The following ADD3 variants were observed in gnomAD, a reference collection of about 807,000 sequenced individuals.
ADD3 encodes the protein gamma-adducin.
Under a neutral mutation model 80.2 loss-of-function variants are expected in ADD3, and 25 were observed. That is an observed-to-expected ratio of 0.31 (90% confidence interval 0.23 to 0.44). ADD3 has a LOEUF of 0.44. Ranked by LOEUF, ADD3 falls within the 20% of genes least tolerant of loss-of-function variation. The pLI is 1.00. For missense variants in ADD3, 829 were observed against 847.5 expected, an observed-to-expected ratio of 0.98 and a Z score of 0.27; for synonymous variants, 284 against 289.6, an observed-to-expected ratio of 0.98 and a Z score of 0.20.
intron 1 of ADD3, among the ~76,000 whole-genome samples, chr10:110,019,901 A>G (rs1853468358): frequency 1.3e-5 from 2 of 152,210 alleles, no homozygotes; most frequent in African/African-American, 2.4e-5. Context: ...GAAGGACATC[A>G]TTACCCCAGG....
chr10:110,065,598 G>T (rs1279016225), intron 1 of ADD3, among the ~76,000 whole-genome samples: 2 of 121,020 alleles, frequency 1.7e-5, no homozygotes, highest in African/African-American at 5.9e-5. Context: ...GGAGTACAGT[G>T]GCTCGATCTT....
intron 2 of ADD3, among the ~76,000 whole-genome samples, chr10:110,104,786 T>C (rs147590505): frequency 6.6e-6 from 1 of 152,342 alleles, no homozygotes; most frequent in East Asian, 1.9e-4. Context: ...TAAAGAAGTA[T>C]TAAGATGCCT....
chr10:110,080,048 G>A (rs1200878404), intron 1 of ADD3, among the ~76,000 whole-genome samples: 1 of 152,136 alleles, frequency 6.6e-6, no homozygotes, highest in Non-Finnish European at 1.5e-5. Flanking sequence ...AGGTATAATA[G>A]TGCTGTGTGG....
chr10:110,083,077 G>GA (rs1846264312), intron 1 of ADD3, among the ~76,000 whole-genome samples: 1 of 152,098 alleles, frequency 6.6e-6, no homozygotes. Context: ...GTAAAGAAAG[G>GA]AAAAAATGTT....
chr10:110,135,241 C>T lies in ADD3; in HGVS notation c.*1623C>T, dbSNP rs41291896. The T allele has an allele frequency of 0.018, 2,772 of 152,524 alleles. 38 individuals are homozygous for T. The highest frequency in any genetic ancestry group is 0.026 in the Non-Finnish European group (1,794 of 67,986). 9.4% of individuals were successfully genotyped at this position (152,524 alleles called of 1,614,324 possible). A position where few individuals can be genotyped will look rare whatever the true frequency, so the allele number is the denominator to read the frequency against. ...TTGGTGGAAACTTTCAGTTGCTTAA[C>T]TCTCTATTGGAAGATTTTTTTAATG... On this transcript the variant is annotated 3_prime_UTR_variant, in exon 15 of 15. Transcript: ENST00000356080.
chr10:110,126,496 C>T lies in ADD3; in HGVS notation c.1601C>T (p.Pro534Leu). 1 of 1,610,826 alleles carries T rather than the reference C, an allele frequency of 6.2e-7. No homozygotes were observed. Among genetic ancestry groups the T allele is most frequent in the South Asian group, 1.1e-5 (1 of 90,990 alleles). ...QLLAGIVVDK[P>L]PSTMQFEDDD... ...CTTGCTGGAATTGTTGTGGATAAGCCACCTTCTGTAAGTTTATGAAGTAGT... is the reference window on the plus strand; with the variant it reads ...CTTGCTGGAATTGTTGTGGATAAGCTACCTTCTGTAAGTTTATGAAGTAGT... Residue 534 changes from proline (P) to leucine (L), a missense_variant, in exon 12 of 15, where the codon CCA becomes CTA. Transcript: ENST00000356080.
intron 1 of ADD3, among the ~76,000 whole-genome samples, chr10:110,017,920 T>G (rs186964437): frequency 1.3e-5 from 2 of 152,340 alleles, no homozygotes. Flanking sequence ...GATCATTGTT[T>G]TGGTATAACC....
chr10:110,128,052 T>A (rs1365304503), intron 12 of ADD3, among the ~76,000 whole-genome samples: 1 of 134,206 alleles, frequency 7.5e-6, no homozygotes, highest in African/African-American at 3.5e-5. Flanking sequence ...GTTTAGGATT[T>A]TTTTTTTTTT....
intron 1 of ADD3, among the ~76,000 whole-genome samples, chr10:110,021,818 T>A (rs189950577): frequency 6.6e-6 from 1 of 152,296 alleles, no homozygotes; most frequent in Non-Finnish European, 1.5e-5. Context: ...ACATTGCGAA[T>A]ATACTGAAAA....
chr10:110,079,437 A>AGT (rs1161510637), intron 1 of ADD3: 3 of 114,700 alleles, frequency 2.6e-5, no homozygotes, highest in Non-Finnish European at 5.3e-5. Flanking sequence ...TGAGAGAGAG[A>AGT]GAGAGAGAGA....
chr10:110,017,827 A>G (rs1457626928), intron 1 of ADD3, among the ~76,000 whole-genome samples: 1 of 152,202 alleles, frequency 6.6e-6, no homozygotes, highest in Non-Finnish European at 1.5e-5. Flanking sequence ...AGAGATATTT[A>G]ATACCTGACT....
intron 1 of ADD3, among the ~76,000 whole-genome samples, chr10:110,080,877 A>G (rs982538575): frequency 2.0e-5 from 3 of 152,250 alleles, no homozygotes; most frequent in African/African-American, 4.8e-5. Flanking sequence ...CCTGCCAGCA[A>G]AGTTACAAAG....
At chr10:110,120,251 A>G (rs1268005986) in intron 8 of ADD3, among the ~76,000 whole-genome samples, 28 of 110,390 alleles carry the variant, frequency 2.5e-4, no homozygotes, top group African/African-American at 1.0e-3. Context: ...CAGTCCCCAG[A>G]GTGTGATATT....
intron 1 of ADD3, among the ~76,000 whole-genome samples, chr10:110,051,355 C>A (rs1203152126): frequency 6.6e-6 from 1 of 152,156 alleles, no homozygotes; most frequent in East Asian, 1.9e-4. Flanking sequence ...TTAGAAACTG[C>A]TGCTTGTAAT....
At chr10:110,092,829 A>T (rs1202180759) in intron 1 of ADD3, among the ~76,000 whole-genome samples, 1 of 151,936 alleles carries the variant, frequency 6.6e-6, no homozygotes, top group Non-Finnish European at 1.5e-5. Flanking sequence ...AGTTGGGGAT[A>T]CTGGTCGCCT....
intron 8 of ADD3, chr10:110,121,834 CA>C: frequency 3.8e-6 from 1 of 261,224 alleles, no homozygotes; most frequent in African/African-American, 2.2e-5. Context: ...TAAAATTTGG[CA>C]GCAGAATTCC....
chr10:110,116,449 C>G (rs374466817), intron 4 of ADD3, 39 bp downstream of exon 4: 1 of 1,607,022 alleles, frequency 6.2e-7, no homozygotes, highest in African/African-American at 1.3e-5. Flanking sequence ...TTAAAAAATT[C>G]CAGCTAGAAG....
chr10:110,096,694 CAA>C (rs2133915890), intron 1 of ADD3, among the ~76,000 whole-genome samples: 1 of 152,224 alleles, frequency 6.6e-6, no homozygotes, highest in Admixed American at 6.5e-5. Flanking sequence ...GCACGACCCT[CAA>C]AGTGTATAAT....
In ADD3 at chr10:110,116,417, T is replaced by G. The variant is rs1850732072; in HGVS notation, c.486+7T>G. 6.2e-7 allele frequency: 1 copy of G among 1,612,510 alleles called. No homozygotes were observed. On this transcript the variant is annotated splice_region_variant and intron_variant, in intron 4 of 14. Transcript: ENST00000356080. ...GGCAAATACCTATATCTCAGTGAGT[T>G]CTTCAGCTTTCAATTCCTTTTTTAA...
Sources: gnomAD v4.1 joint callset for allele counts (sites outside exome capture counted in the v4.1 genomes callset) on GRCh38, gnomAD v4.1.1 for gene constraint, MANE v1.5 for transcripts, NCBI Gene and HGNC (gene_info 2026-07-23, HGNC 2026-07-21) for gene names.